ANKFN1: variants seen among roughly 807,000 people sequenced by gnomAD.
ANKFN1 encodes ankyrin repeat and fibronectin type-III domain-containing protein 1.
ANKFN1 carries 74 observed loss-of-function variants against 108.7 expected under a neutral mutation model. That is an observed-to-expected ratio of 0.68 (90% CI 0.56 to 0.83). The LOEUF (loss-of-function observed/expected upper bound fraction) is 0.83, where lower values mean the gene tolerates loss of function less well. Among genes scored for constraint, ANKFN1 ranks in the 40% least tolerant of loss-of-function variants. The pLI is 0.00. For synonymous variants in ANKFN1, 547 were observed against 516.2 expected, an observed-to-expected ratio of 1.06 and a Z score of -0.81; for missense variants, 1,505 against 1,382.3, an observed-to-expected ratio of 1.09 and a Z score of -1.41.
Position 56,480,797 on chromosome 17 carries a change from G to A in ANKFN1, c.2070G>A (p.Gln690=), listed in dbSNP as rs780971508. The change falls in exon 17 of 21, where the codon CAG becomes CAA. Residue 690 remains glutamine (Q), a synonymous_variant. Transcript: ENST00000682825. The part of the protein sequence containing the change: ...LQMAVKALLQ[Q]INIPLHQARN... ...TGGCAGTGAAAGCTCTCCTTCAGCA[G>A]ATCAATATACCTCTACACCAGGTAC... 1.1e-5 allele frequency: 18 copies of A among 1,613,668 alleles called. No homozygotes were observed. The highest frequency in any genetic ancestry group is 1.5e-5 in the Non-Finnish European group (18 of 1,179,940).
At chr17:56,506,652 A>C (rs143111554) in intron 20 of ANKFN1, among the ~76,000 whole-genome samples, 2,298 of 151,112 alleles carry the variant, frequency 0.015, 35 homozygotes, top group Non-Finnish European at 0.022. Flanking sequence ...CTAATACAAG[A>C]TCTAGTATGT....
rs149746459 is a variant in ANKFN1 at position 56,175,124 on chromosome 17, T to C, written c.-71+21594T>C. Among the ~76,000 whole-genome samples, 3 of 152,324 alleles carry C rather than the reference T, an allele frequency of 2.0e-5. No individual in the cohort carries two copies. The East Asian group carries it at 5.8e-4, about 29-fold the overall frequency. The stretch of plus-strand genomic sequence containing the variant: ...CACCCAGACTACCATCTACCATTAT[T>C]CTTTGATGTCTGCAGGATTTTACTT... On this transcript the variant is annotated intron_variant, in intron 1 of 20. Transcript: ENST00000682825.
chr17:56,098,409 T>C (rs1598094572), intron 4 of ANKFN1, among the ~76,000 whole-genome samples: 1 of 145,714 alleles, frequency 6.9e-6, no homozygotes, highest in East Asian at 2.0e-4. Context: ...GCTACACACA[T>C]ACACACAAAC....
chr17:56,395,187 A>T (rs1193852869), intron 8 of ANKFN1, among the ~76,000 whole-genome samples: 1 of 152,220 alleles, frequency 6.6e-6, no homozygotes, highest in African/African-American at 2.4e-5. Flanking sequence ...ATTTTAATGA[A>T]GGGATTATTT....
intron 8 of ANKFN1, among the ~76,000 whole-genome samples, chr17:56,411,994 C>T (rs535890908): frequency 6.6e-5 from 10 of 152,202 alleles, no homozygotes; most frequent in Admixed American, 4.6e-4. Flanking sequence ...GTAATGCTGG[C>T]CTCATAAAAT....
At chr17:56,243,916 AAG>A (rs2144017620) in intron 3 of ANKFN1, among the ~76,000 whole-genome samples, 1 of 152,232 alleles carries the variant, frequency 6.6e-6, no homozygotes, top group African/African-American at 2.4e-5. Flanking sequence ...TGGGCCTTTG[AAG>A]ACATTTTTAG....
At chr17:56,142,904 T>C (rs1489910833) in intron 4 of ANKFN1, among the ~76,000 whole-genome samples, 1 of 152,182 alleles carries the variant, frequency 6.6e-6, no homozygotes, top group Non-Finnish European at 1.5e-5. Flanking sequence ...AAATACTCTA[T>C]GATTCCCCAC....
intron 8 of ANKFN1, among the ~76,000 whole-genome samples, chr17:56,404,053 C>T (rs2047842827): frequency 1.3e-5 from 2 of 152,018 alleles, no homozygotes; most frequent in African/African-American, 2.4e-5. Context: ...CAAGTTTTTC[C>T]TTTATAGGTT....
At position 56,169,558 on chromosome 17, in the gene ANKFN1, G is replaced by A. The variant is rs74601244; in HGVS notation, c.-71+16028G>A. Among the ~76,000 whole-genome samples, 1,168 of 152,214 alleles carry A rather than the reference G, an allele frequency of 7.7e-3. 11 individuals are homozygous for A. Among genetic ancestry groups the A allele is most frequent in the African/African-American group, 0.026 (1,083 of 41,536 alleles). ...ATGCTGGATTATAGGCATGAGCAAC[G>A]AAGCCCAGCCTTCTAATATTTTTAT... On this transcript the variant is annotated intron_variant, in intron 1 of 20. Transcript: ENST00000682825.
At chr17:56,361,529 C>T (rs536994757) in intron 6 of ANKFN1, among the ~76,000 whole-genome samples, 3 of 152,236 alleles carry the variant, frequency 2.0e-5, no homozygotes, top group East Asian at 3.9e-4. Context: ...ATTCCTTACC[C>T]TCTCTGTGGC....
intron 1 of ANKFN1, among the ~76,000 whole-genome samples, chr17:56,177,062 G>A (rs141549369): frequency 8.3e-4 from 126 of 152,276 alleles, no homozygotes; most frequent in African/African-American, 2.8e-3. Flanking sequence ...CTGTAGAATC[G>A]TAGGGATTTC....
intron 4 of ANKFN1, among the ~76,000 whole-genome samples, chr17:56,058,321 C>T (rs573545482): frequency 1.3e-5 from 2 of 152,204 alleles, no homozygotes; most frequent in African/African-American, 4.8e-5. Flanking sequence ...AGTGTCGCCA[C>T]CTTCATGAAT....
intron 1 of ANKFN1, among the ~76,000 whole-genome samples, chr17:56,192,053 T>A (rs1912989190): frequency 4.6e-5 from 7 of 152,148 alleles, no homozygotes; most frequent in Admixed American, 4.6e-4. Flanking sequence ...GAGCCTTGGT[T>A]TTCAGCTCAA....
intron 4 of ANKFN1, among the ~76,000 whole-genome samples, chr17:56,058,572 A>G (rs192716345): frequency 9.3e-4 from 141 of 151,870 alleles, no homozygotes; most frequent in Middle Eastern, 3.4e-3. Context: ...CCCATCCTCT[A>G]AGTTCCCTCC....
chr17:56,075,340 A>G (rs1410998002), intron 4 of ANKFN1, among the ~76,000 whole-genome samples: 1 of 152,166 alleles, frequency 6.6e-6, no homozygotes, highest in Non-Finnish European at 1.5e-5. Flanking sequence ...AATGTACGTG[A>G]AGTACCTTGC....
intron 4 of ANKFN1, among the ~76,000 whole-genome samples, chr17:56,056,476 AC>A: frequency 6.6e-6 from 1 of 152,270 alleles, no homozygotes; most frequent in African/African-American, 2.4e-5. Context: ...AAAAATAGAC[AC>A]ATAGATCAAT....
intron 6 of ANKFN1, among the ~76,000 whole-genome samples, chr17:56,361,505 G>C: frequency 6.6e-6 from 1 of 151,972 alleles, no homozygotes; most frequent in East Asian, 1.9e-4. Flanking sequence ...CTGACCTTTG[G>C]TAGCTGTGGG....
intron 4 of ANKFN1, among the ~76,000 whole-genome samples, chr17:56,348,542 A>G (rs2046164344): frequency 6.6e-6 from 1 of 152,180 alleles, no homozygotes; most frequent in Non-Finnish European, 1.5e-5. Context: ...TCTACAAGGA[A>G]CTTGAACAAA....
chr17:56,140,899 ATC>A (rs1907880693), intron 4 of ANKFN1, among the ~76,000 whole-genome samples: 1 of 152,164 alleles, frequency 6.6e-6, no homozygotes, highest in South Asian at 2.1e-4. Context: ...CAAGTAGGAC[ATC>A]TGTTAGCCAC....
Sources: gnomAD v4.1 joint callset for allele counts (sites outside exome capture counted in the v4.1 genomes callset) on GRCh38, gnomAD v4.1.1 for gene constraint, MANE v1.5 for transcripts, NCBI Gene and HGNC (gene_info 2026-07-23, HGNC 2026-07-21) for gene names.